OSBPL1A: variants seen among roughly 807,000 people sequenced by gnomAD.
OSBPL1A encodes the protein oxysterol binding protein like 1A.
Under a neutral mutation model 137.1 loss-of-function variants are expected in OSBPL1A, and 80 were observed. The ratio of observed to expected loss-of-function variants is 0.58; its 90% confidence interval spans 0.49 to 0.70. The LOEUF (loss-of-function observed/expected upper bound fraction) is 0.70. Ranked by LOEUF, OSBPL1A falls within the 30% of genes least tolerant of loss-of-function variation. The pLI is 0.00. For missense variants in OSBPL1A, 970 were observed against 1,129.4 expected (o/e 0.86, Z 2.02); for synonymous variants, 365 against 389.7 (o/e 0.94, Z 0.75).
intron 15 of OSBPL1A, among the ~76,000 whole-genome samples, chr18:24,239,771 A>T (rs937845805): frequency 2.2e-4 from 34 of 152,130 alleles, no homozygotes; most frequent in South Asian, 2.1e-4. Context: ...CAAAAATTTT[A>T]AAAAAATTCT....
At chr18:24,171,332 G>A (rs12455391) in intron 23 of OSBPL1A, 77 bp downstream of exon 23, 231,698 of 1,163,688 alleles carry the variant, frequency 0.2, 25,549 homozygotes, top group East Asian at 0.4. Flanking sequence ...GTGCCCAGCC[G>A]ACAATGTATT....
intron 7 of OSBPL1A, among the ~76,000 whole-genome samples, chr18:24,319,044 T>G (rs902371528): frequency 6.6e-6 from 1 of 152,228 alleles, no homozygotes; most frequent in Non-Finnish European, 1.5e-5. Context: ...TATCATGAAC[T>G]CATAAATTTG....
chr18:24,187,783 G>A (rs1444469599), intron 18 of OSBPL1A, among the ~76,000 whole-genome samples: 1 of 152,210 alleles, frequency 6.6e-6, no homozygotes, highest in East Asian at 1.9e-4. Flanking sequence ...AAGCAGCATG[G>A]CATAGGGACC....
At chr18:24,350,194 C>T (rs537833410) in intron 4 of OSBPL1A, among the ~76,000 whole-genome samples, 1 of 152,240 alleles carries the variant, frequency 6.6e-6, no homozygotes, top group South Asian at 2.1e-4. Flanking sequence ...ATATAACAGC[C>T]TCTGGGAATC....
intron 15 of OSBPL1A, among the ~76,000 whole-genome samples, chr18:24,245,413 G>A (rs1349676473): frequency 6.6e-6 from 1 of 152,124 alleles, no homozygotes; most frequent in African/African-American, 2.4e-5. Context: ...GTGGCTAGAG[G>A]ACCAACAATG....
At chr18:24,264,494 A>C (rs1412089231) in intron 15 of OSBPL1A, among the ~76,000 whole-genome samples, 1 of 152,234 alleles carries the variant, frequency 6.6e-6, no homozygotes, top group Non-Finnish European at 1.5e-5. Context: ...AGGCTATAGC[A>C]TTCTGACAGG....
rs34306542 is a variant in OSBPL1A at position 24,317,225 on chromosome 18, A to G, written c.807-13T>C. 219,977 of 1,612,930 alleles carry G rather than the reference A, an allele frequency of 0.14. 15,706 individuals carry two copies. Among genetic ancestry groups the G allele is most frequent in the South Asian group, 0.17 (15,062 of 91,042 alleles). ...AACTGCATCAGGCCTTCAAAATAAA[A>G]ATGAAATTATCAAGACAAAAGGAAA... is the stretch of plus-strand genomic sequence containing the variant. On this transcript the variant is annotated splice_polypyrimidine_tract_variant and intron_variant, in intron 10 of 27. Coordinates refer to ENST00000319481, the MANE Select transcript of OSBPL1A (RefSeq NM_080597.4).
intron 1 of OSBPL1A, among the ~76,000 whole-genome samples, chr18:24,392,391 T>C (rs1907420319): frequency 6.6e-6 from 1 of 152,014 alleles, no homozygotes; most frequent in African/African-American, 2.4e-5. Context: ...ACTCCTGACT[T>C]CAGGTGATCT....
intron 1 of OSBPL1A, among the ~76,000 whole-genome samples, chr18:24,383,141 G>A (rs1463581360): frequency 3.5e-5 from 4 of 113,286 alleles, no homozygotes; most frequent in Non-Finnish European, 6.9e-5. Context: ...TTTATAACTG[G>A]AAAATGTTAA....
At chr18:24,208,507 C>G (rs1432675226) in intron 17 of OSBPL1A, among the ~76,000 whole-genome samples, 2 of 152,174 alleles carry the variant, frequency 1.3e-5, no homozygotes, top group African/African-American at 4.8e-5. Flanking sequence ...CATAAGGAAC[C>G]ACAGAGAATG....
chr18:24,253,577 T>C (rs1341632122), intron 15 of OSBPL1A, among the ~76,000 whole-genome samples: 2 of 152,308 alleles, frequency 1.3e-5, no homozygotes, highest in South Asian at 2.1e-4. Flanking sequence ...TCAGTCTCTC[T>C]AGCATTTGCA....
At chr18:24,378,213 CAAAT>C (rs1906336525) in intron 1 of OSBPL1A, among the ~76,000 whole-genome samples, 2 of 152,078 alleles carry the variant, frequency 1.3e-5, no homozygotes, top group South Asian at 2.1e-4. Context: ...TACTAATAAT[CAAAT>C]AAATAAAAAT....
chr18:24,372,676 C>T (rs1905752901), intron 2 of OSBPL1A, among the ~76,000 whole-genome samples: 1 of 152,216 alleles, frequency 6.6e-6, no homozygotes, highest in South Asian at 2.1e-4. Context: ...CCCATCCAAA[C>T]CACACTGTCT....
At chr18:24,356,898 A>C (rs765437825) in intron 4 of OSBPL1A, among the ~76,000 whole-genome samples, 1 of 152,164 alleles carries the variant, frequency 6.6e-6, no homozygotes, top group African/African-American at 2.4e-5. Context: ...TAGTGACCCC[A>C]ATTATAGCCA....
intron 18 of OSBPL1A, among the ~76,000 whole-genome samples, chr18:24,191,055 T>C (rs1396228046): frequency 3.9e-5 from 6 of 152,364 alleles, no homozygotes; most frequent in African/African-American, 1.4e-4. Context: ...CTCAACCCTT[T>C]CTCAGTATTG....
chr18:24,323,348 T>A, intron 7 of OSBPL1A, among the ~76,000 whole-genome samples: 1 of 149,182 alleles, frequency 6.7e-6, no homozygotes, highest in Middle Eastern at 3.6e-3. Context: ...ATGCCAGCAG[T>A]TCGAGACCAG....
At chr18:24,258,977 C>T (rs1230473748) in intron 15 of OSBPL1A, among the ~76,000 whole-genome samples, 1 of 124,368 alleles carries the variant, frequency 8.0e-6, no homozygotes, top group Non-Finnish European at 1.6e-5. Context: ...CTCGCTCTGT[C>T]GCCAGGCTGG....
chr18:24,306,552 T>A (rs2090504898), intron 13 of OSBPL1A, among the ~76,000 whole-genome samples: 1 of 152,188 alleles, frequency 6.6e-6, no homozygotes, highest in South Asian at 2.1e-4. Context: ...ACTGTATGAT[T>A]CCATTTACAT....
chr18:24,392,191 T>C (rs1320909451), intron 1 of OSBPL1A, among the ~76,000 whole-genome samples: 1 of 151,054 alleles, frequency 6.6e-6, no homozygotes, highest in Admixed American at 6.6e-5. Flanking sequence ...AGATGGAGTT[T>C]CACTTGTTTC....
Sources: allele counts gnomAD v4.1 joint callset (sites outside exome capture counted in the v4.1 genomes callset), GRCh38; gene constraint gnomAD v4.1.1; transcripts MANE v1.5; gene names NCBI Gene and HGNC (gene_info 2026-07-23, HGNC 2026-07-21).